TPM3: variants seen among roughly 807,000 people sequenced by gnomAD.
The protein encoded by TPM3 is tropomyosin alpha-3 chain.
A neutral mutation model predicts 43.1 loss-of-function variants in TPM3; 16 were observed. That is an observed-to-expected ratio of 0.37 (90% CI 0.25 to 0.56). The LOEUF (loss-of-function observed/expected upper bound fraction) is 0.56. TPM3 is among the 20% of genes least tolerant of loss of function. TPM3 has a pLI of 0.77. For synonymous variants in TPM3, 101 were observed against 116.9 expected, an observed-to-expected ratio of 0.86 and a Z score of 0.88; for missense variants, 176 against 337.2, an observed-to-expected ratio of 0.52 and a Z score of 3.74.
Position 154,162,343 on chromosome 1 carries a change from C to A in TPM3, c.*5594G>T, listed in dbSNP as rs550606876. On this transcript the variant is annotated 3_prime_UTR_variant, in exon 10 of 10. Coordinates refer to ENST00000651641, the MANE Select transcript of TPM3 (RefSeq NM_152263.4). ...TCACACCACCGCACTCCAGCCTGGG[C>A]AACAGAGCAAGACTCCGTCTCAAAA... Among the ~76,000 whole-genome samples, 40 of 109,636 alleles carry A rather than the reference C, an allele frequency of 3.6e-4. No homozygotes were observed. In the South Asian group the frequency reaches 0.012, roughly 34 times the overall value. The allele number at this position is 109,636 out of a possible 152,430, so 71.9% of individuals were successfully genotyped here.
chr1:154,166,120 T>C lies in TPM3; in HGVS notation c.*1817A>G, dbSNP rs567881455. On this transcript the variant is annotated 3_prime_UTR_variant, in exon 10 of 10. Transcript: ENST00000651641. The stretch of plus-strand genomic sequence containing the variant: ...GAATCTGAACCTTAATCTCAAAGGC[T>C]ATGCGGCAGTAAGAAATGGAATGGA... The C allele has an allele frequency of 1.1e-4, 25 of 224,916 alleles. No individual in the cohort carries two copies. Among genetic ancestry groups the C allele is most frequent in the Non-Finnish European group, 1.9e-4 (22 of 112,900 alleles). 13.9% of individuals were successfully genotyped at this position (224,916 alleles called of 1,614,324 possible).
In TPM3 at chr1:154,174,407, T is replaced by TATATATATACAC. The variant is rs1261318136; in HGVS notation, c.378-1207_378-1206insGTGTATATATAT. On this transcript the variant is annotated intron_variant, in intron 3 of 9. Transcript: ENST00000651641. ...ATATATATATATATATATATATATA[T>TATATATATACAC]ACACACAAAAATCCCATCCCAGCTT... Among the ~76,000 whole-genome samples the TATATATATACAC allele has an allele frequency of 4.2e-3, 306 of 72,544 alleles. 3 individuals carry two copies. Among genetic ancestry groups the TATATATATACAC allele is most frequent in the Middle Eastern group, 0.011 (1 of 88 alleles). The allele number at this position is 72,544 out of a possible 152,430, so 47.6% of individuals were successfully genotyped here.
chr1:154,174,789 C>A (rs546745514), intron 3 of TPM3, among the ~76,000 whole-genome samples: 1 of 151,406 alleles, frequency 6.6e-6, no homozygotes, highest in African/African-American at 2.4e-5. Context: ...CCACTGCGCC[C>A]GGCCCTCACT....
At chr1:154,155,477 G>A (rs982313333), downstream of TPM3, 3 of 237,932 alleles carry the variant, frequency 1.3e-5, no homozygotes, top group East Asian at 1.8e-4. Flanking sequence ...TAAACAGCTC[G>A]ACTTTGTCAA....
chr1:154,166,236 G>A lies in TPM3; in HGVS notation c.*1701C>T, dbSNP rs1660943220. ...ATATCTGTTTAAAAGAAGAGCAAAAGTGTTTTTAACAGATGGAATCTTGCT... is the reference window on the plus strand; with the variant it reads ...ATATCTGTTTAAAAGAAGAGCAAAAATGTTTTTAACAGATGGAATCTTGCT... On this transcript the variant is annotated 3_prime_UTR_variant, in exon 10 of 10. Transcript: ENST00000651641. The A allele has an allele frequency of 4.4e-6, 1 of 229,160 alleles. No homozygotes were observed. Among genetic ancestry groups the A allele is most frequent in the Non-Finnish European group, 8.7e-6 (1 of 115,578 alleles). 14.2% of individuals were successfully genotyped at this position (229,160 alleles called of 1,614,324 possible).
intron 3 of TPM3, among the ~76,000 whole-genome samples, chr1:154,174,413 C>CACACACAA: frequency 1.6e-5 from 1 of 64,234 alleles, no homozygotes; most frequent in African/African-American, 5.2e-5. Flanking sequence ...TATATACACA[C>CACACACAA]AAAAATCCCA....
downstream of TPM3, chr1:154,155,906 G>A: frequency 4.9e-6 from 1 of 202,950 alleles, no homozygotes; most frequent in East Asian, 7.6e-5. Flanking sequence ...TTTTACAGAT[G>A]ATAAAACTAA....
At chr1:154,186,089 AT>A (rs1234470291) in intron 2 of TPM3, among the ~76,000 whole-genome samples, 1 of 151,568 alleles carries the variant, frequency 6.6e-6, no homozygotes, top group African/African-American at 2.4e-5. Context: ...ATAGATAATA[AT>A]TTTCTCAATA....
intron 2 of TPM3, among the ~76,000 whole-genome samples, chr1:154,189,720 C>T (rs2148292653): frequency 6.7e-6 from 1 of 149,800 alleles, no homozygotes; most frequent in East Asian, 2.0e-4. Context: ...ATCGCTTCAA[C>T]CTGGGAGGTG....
At chr1:154,188,165 C>T (rs1229637341) in intron 2 of TPM3, among the ~76,000 whole-genome samples, 1 of 151,618 alleles carries the variant, frequency 6.6e-6, no homozygotes, top group Non-Finnish European at 1.5e-5. Flanking sequence ...AAGCGATCCT[C>T]CCATCTCAGC....
intron 2 of TPM3, 63 bp downstream of exon 2, chr1:154,191,123 A>G (rs1193879398): frequency 1.9e-6 from 3 of 1,612,680 alleles, no homozygotes; most frequent in East Asian, 2.2e-5. Context: ...GAATTTCGTC[A>G]TACATTAACA....
At chr1:154,167,969 T>C (rs1661167218) in intron 9 of TPM3, 29 bp from the exon 10 acceptor site, 6 of 1,613,356 alleles carry the variant, frequency 3.7e-6, no homozygotes, top group Non-Finnish European at 5.1e-6. Flanking sequence ...ATACTCTAGG[T>C]GAGAAGGACT....
rs1269611992 is a variant in TPM3, at chr1:154,166,021, C to T, written c.*1916G>A. On this transcript the variant is annotated 3_prime_UTR_variant, in exon 10 of 10. Coordinates refer to ENST00000651641, the MANE Select transcript of TPM3 (RefSeq NM_152263.4). ...AAGCAACTTGAGAGTAGGAATGGTGCCTCCATCTTTATTTCTGTCTCCATC... is the reference window on the plus strand; with the variant it reads ...AAGCAACTTGAGAGTAGGAATGGTGTCTCCATCTTTATTTCTGTCTCCATC... Among the ~76,000 whole-genome samples the T allele has an allele frequency of 6.6e-6, 1 of 152,096 alleles. No homozygotes were observed. Among genetic ancestry groups the T allele is most frequent in the Non-Finnish European group, 1.5e-5 (1 of 68,018 alleles).
At position 154,184,970 on chromosome 1, in the gene TPM3, G is replaced by A. The variant is rs138227279; in HGVS notation, c.243+6216C>T. Among the ~76,000 whole-genome samples the A allele has an allele frequency of 2.5e-3, 380 of 151,808 alleles. 3 individuals are homozygous for A. Among genetic ancestry groups the A allele is most frequent in the African/African-American group, 8.9e-3 (366 of 41,342 alleles). Reference sequence around the variant, plus strand: ...TCCTTCATGCAACAGCCAGACATGAGTGCCTGTAAACTGTACTATAGAATT... The same window carrying A: ...TCCTTCATGCAACAGCCAGACATGAATGCCTGTAAACTGTACTATAGAATT... On this transcript the variant is annotated intron_variant, in intron 2 of 9. Transcript: ENST00000651641.
Position 154,191,908 on chromosome 1 carries a change from A to T in TPM3, c.111T>A (p.Ser37Arg), listed in dbSNP as rs1400464085. ...EAEQKQAEER[S>R]KQLEDELAAM... is the part of the protein sequence containing the mutation. ...GATCAATGCCAGTGCCTACCTGTTT[A>T]CTTCTTTCTTCTGCCTGCTTCTGCT... Residue 37 changes from serine to arginine, a missense_variant, in exon 1 of 10, where the codon AGT (serine) becomes AGA (arginine). By Grantham distance (110) the Ser-to-Arg change is moderately radical (BLOSUM62 -1). Coordinates refer to ENST00000651641, the MANE Select transcript of TPM3 (RefSeq NM_152263.4). 6.2e-7 allele frequency: 1 copy of T among 1,613,354 alleles called. No individual in the cohort carries two copies. The highest frequency in any genetic ancestry group is 8.5e-7 in the Non-Finnish European group (1 of 1,179,890).
At position 154,167,811 on chromosome 1, in the gene TPM3, C is replaced by A. The variant is rs1661137761; in HGVS notation, c.*126G>T. ...AAGAAAATACATAAGTTGCTTTTTG[C>A]TCCCCCATCCTAATGCCTTGGGGAC... is the stretch of plus-strand genomic sequence containing the variant. On this transcript the variant is annotated 3_prime_UTR_variant, in exon 10 of 10. Transcript: ENST00000651641. 2 of 1,582,156 alleles carry A rather than the reference C, an allele frequency of 1.3e-6. No individual in the cohort carries two copies. Among genetic ancestry groups the A allele is most frequent in the Admixed American group, 1.9e-5 (1 of 53,860 alleles).
chr1:154,169,296 G>A lies in TPM3; in HGVS notation c.854+9C>T. On this transcript the variant is annotated intron_variant, in intron 9 of 9. Coordinates refer to ENST00000651641, the MANE Select transcript of TPM3 (RefSeq NM_152263.4). ...AGATCCCAGCCCCACTCTACTGTCA[G>A]ATAGTTACATAGAGGTCATGTCATT... 1 of 1,614,080 alleles carries A rather than the reference G, an allele frequency of 6.2e-7. No individual in the cohort carries two copies. Among genetic ancestry groups the A allele is most frequent in the Non-Finnish European group, 8.5e-7 (1 of 1,179,930 alleles).
At chr1:154,185,728 A>C (rs1177797344) in intron 2 of TPM3, among the ~76,000 whole-genome samples, 4 of 151,082 alleles carry the variant, frequency 2.6e-5, no homozygotes, top group African/African-American at 9.9e-5. Context: ...AAAAAGAAAA[A>C]CAACAAAAAA....
chr1:154,181,731 C>T (rs1662967014), intron 2 of TPM3, among the ~76,000 whole-genome samples: 1 of 152,122 alleles, frequency 6.6e-6, no homozygotes, highest in Non-Finnish European at 1.5e-5. Context: ...ACCAGCCTGG[C>T]CAACATGGCG....
Sources: allele counts gnomAD v4.1 joint callset (sites outside exome capture counted in the v4.1 genomes callset), GRCh38; gene constraint gnomAD v4.1.1; transcripts MANE v1.5; gene names NCBI Gene and HGNC (gene_info 2026-07-23, HGNC 2026-07-21).